The following RNMT variants were observed in gnomAD, a reference collection of about 807,000 sequenced individuals.
RNMT encodes RNA guanine-7 methyltransferase.
A neutral mutation model predicts 56.0 loss-of-function variants in RNMT; 27 were observed. The ratio of observed to expected loss-of-function variants is 0.48; its 90% CI spans 0.36 to 0.67. The LOEUF (loss-of-function observed/expected upper bound fraction) is 0.67, where lower values mean the gene tolerates loss of function less well. Ranked by LOEUF, RNMT falls within the 30% of genes least tolerant of loss-of-function variation. The probability of loss-of-function intolerance (pLI) is 0.00; values close to 1 mark genes in which losing one functional copy is unlikely to be tolerated. For synonymous variants in RNMT, 184 were observed against 176.2 expected (o/e 1.04, Z -0.35); for missense variants, 519 against 552.1 (o/e 0.94, Z 0.60).
In RNMT at chr18:13,762,188, C is replaced by G. The variant is rs763441476; in HGVS notation, c.*2209C>G. ...ATGGAATTGGAAATGAAGACCTAAC[C>G]AGCTATTGGTGGGAATGACGGAACT... On this transcript the variant is annotated 3_prime_UTR_variant, in exon 12 of 12. Coordinates refer to ENST00000383314, the MANE Select transcript of RNMT (RefSeq NM_003799.3). 1 of 1,511,726 alleles carries G rather than the reference C, an allele frequency of 6.6e-7. No homozygotes were observed. Among genetic ancestry groups the G allele is most frequent in the Admixed American group, 2.1e-5 (1 of 48,380 alleles). The allele number at this position is 1,511,726 out of a possible 1,614,324, so 93.6% of individuals were successfully genotyped here. A position where few individuals can be genotyped will look rare whatever the true frequency, so the allele number is the denominator to read the frequency against.
Position 13,761,504 on chromosome 18 carries a change from C to G in RNMT, c.*1525C>G. 2.0e-6 allele frequency: 2 copies of G among 987,444 alleles called. No homozygotes were observed. Among genetic ancestry groups the G allele is most frequent in the Non-Finnish European group, 2.4e-6 (2 of 831,192 alleles). 61.2% of individuals were successfully genotyped at this position (987,444 alleles called of 1,614,324 possible). ...ATTTCCTCTGTTCACATTTACTGGT[C>G]TTAATTAACAGGTAATAATAATACA... On this transcript the variant is annotated 3_prime_UTR_variant, in exon 12 of 12. Coordinates refer to ENST00000383314, the MANE Select transcript of RNMT (RefSeq NM_003799.3).
intron 9 of RNMT, among the ~76,000 whole-genome samples, chr18:13,749,342 CT>C: frequency 6.6e-6 from 1 of 152,306 alleles, no homozygotes; most frequent in South Asian, 2.1e-4. Context: ...GTAATCTGTT[CT>C]TTCTTAGAGC....
chr18:13,736,309 T>C (rs1602003868), intron 4 of RNMT, among the ~76,000 whole-genome samples: 1 of 152,170 alleles, frequency 6.6e-6, no homozygotes, highest in Non-Finnish European at 1.5e-5. Flanking sequence ...TTCAGTATTG[T>C]ATCAAGTTTT....
chr18:13,744,797 CCTTCCTTCCACT>C (rs2044325717), intron 8 of RNMT, among the ~76,000 whole-genome samples: 1 of 152,158 alleles, frequency 6.6e-6, no homozygotes, highest in South Asian at 2.1e-4. Flanking sequence ...GGGTTTCTCC[CCTTCCTTCCACT>C]CTTCCTTTAA....
chr18:13,748,053 T>A (rs956227509), intron 9 of RNMT, among the ~76,000 whole-genome samples: 8 of 152,224 alleles, frequency 5.3e-5, no homozygotes, highest in Admixed American at 3.9e-4. Flanking sequence ...TTTTATGGCA[T>A]GTTATTTCAG....
Position 13,760,894 on chromosome 18 carries a change from T to A in RNMT, c.*915T>A. On this transcript the variant is annotated 3_prime_UTR_variant, in exon 12 of 12. Transcript: ENST00000383314. ...GTTACAACCTCAGCACTTTGCACCGTAGGAGCCATTGTTAAAGTTGTCACT... is the reference window on the plus strand; with the variant it reads ...GTTACAACCTCAGCACTTTGCACCGAAGGAGCCATTGTTAAAGTTGTCACT... 1 of 985,408 alleles carries A rather than the reference T, an allele frequency of 1.0e-6. No homozygotes were observed. The allele number at this position is 985,408 out of a possible 1,614,324, so 61.0% of individuals were successfully genotyped here.
chr18:13,740,000 T>C (rs950059737), intron 5 of RNMT, among the ~76,000 whole-genome samples, 167 bp from the exon 6 acceptor site: 2 of 152,200 alleles, frequency 1.3e-5, no homozygotes, highest in Non-Finnish European at 2.9e-5. Flanking sequence ...TGAAAACTGA[T>C]AGGGTATTTG....
rs777040238 is a variant in RNMT, at chr18:13,731,592, A to G, written c.75A>G (p.Glu25=). ...LEQAKASVNS[E]TESSFNINEN... Reference sequence around the variant, plus strand: ...AGGCAAAAGCGTCAGTGAATTCTGAAACAGAGTCTTCATTCAATATTAATG... The same window carrying G: ...AGGCAAAAGCGTCAGTGAATTCTGAGACAGAGTCTTCATTCAATATTAATG... The change falls in exon 3 of 12, where the codon GAA becomes GAG. Residue 25 remains glutamate, a synonymous_variant. Coordinates refer to ENST00000383314, the MANE Select transcript of RNMT (RefSeq NM_003799.3). The G allele has an allele frequency of 7.4e-6, 12 of 1,613,584 alleles. No homozygotes were observed. Among genetic ancestry groups the G allele is most frequent in the Non-Finnish European group, 1.0e-5 (12 of 1,179,900 alleles).
chr18:13,741,156 C>T (rs2044244954), intron 6 of RNMT, among the ~76,000 whole-genome samples: 1 of 151,444 alleles, frequency 6.6e-6, no homozygotes, highest in Non-Finnish European at 1.5e-5. Context: ...AACATTTTTG[C>T]ATTTTTTAAA....
intron 11 of RNMT, among the ~76,000 whole-genome samples, chr18:13,759,291 A>G (rs2044591386): frequency 6.6e-6 from 1 of 152,224 alleles, no homozygotes; most frequent in Admixed American, 6.5e-5. Flanking sequence ...TATGCCTTTA[A>G]TAGGTTTCAA....
intron 11 of RNMT, among the ~76,000 whole-genome samples, 183 bp downstream of exon 11, chr18:13,754,330 T>C (rs2044507404): frequency 6.6e-6 from 1 of 151,866 alleles, no homozygotes; most frequent in Non-Finnish European, 1.5e-5. Flanking sequence ...ACATGGCAAA[T>C]GCTTGTCTCT....
intron 5 of RNMT, among the ~76,000 whole-genome samples, chr18:13,738,430 TAAA>T (rs1031926045): frequency 2.6e-5 from 4 of 152,210 alleles, no homozygotes; most frequent in South Asian, 2.1e-4. Flanking sequence ...AGTTGTAAAA[TAAA>T]GAAGTATTTT....
chr18:13,761,747 C>G lies in RNMT; in HGVS notation c.*1768C>G. 2.6e-6 allele frequency: 3 copies of G among 1,171,688 alleles called. No individual in the cohort carries two copies. In the South Asian group the frequency reaches 6.1e-5, roughly 24 times the overall value. The allele number at this position is 1,171,688 out of a possible 1,614,324, so 72.6% of individuals were successfully genotyped here. On this transcript the variant is annotated 3_prime_UTR_variant, in exon 12 of 12. Transcript: ENST00000383314. ...CTGTTGTTGGTGTCAGGGAGGCTTA[C>G]TGGAGCCACACCTGCAGGCGCTGTG...
chr18:13,760,903 T>C lies in RNMT; in HGVS notation c.*924T>C. ...TCAGCACTTTGCACCGTAGGAGCCA[T>C]TGTTAAAGTTGTCACTTGTGTAACT... On this transcript the variant is annotated 3_prime_UTR_variant, in exon 12 of 12. Transcript: ENST00000383314. 2 of 985,462 alleles carry C rather than the reference T, an allele frequency of 2.0e-6. No homozygotes were observed. The highest frequency in any genetic ancestry group is 2.4e-6 in the Non-Finnish European group (2 of 829,932). The allele number at this position is 985,462 out of a possible 1,614,324, so 61.0% of individuals were successfully genotyped here.
intron 9 of RNMT, among the ~76,000 whole-genome samples, chr18:13,747,556 A>G (rs971909527): frequency 7.2e-5 from 11 of 152,192 alleles, no homozygotes; most frequent in African/African-American, 2.7e-4. Flanking sequence ...CCTGAGGCTC[A>G]GAGGATAATG....
chr18:13,743,505 C>G (rs1568506004), intron 8 of RNMT, among the ~76,000 whole-genome samples: 1 of 151,964 alleles, frequency 6.6e-6, no homozygotes, highest in Non-Finnish European at 1.5e-5. Context: ...TCCCATGTGC[C>G]TGAATTCCTA....
chr18:13,731,332 C>T (rs1321680594), intron 2 of RNMT, 144 bp from the exon 3 acceptor site: 3 of 416,738 alleles, frequency 7.2e-6, no homozygotes, highest in Admixed American at 8.0e-5. Flanking sequence ...CACTTGAACC[C>T]CAGAGGCGGA....
At chr18:13,737,293 A>C (rs1223704268) in intron 5 of RNMT, among the ~76,000 whole-genome samples, 158 bp downstream of exon 5, 2 of 152,122 alleles carry the variant, frequency 1.3e-5, no homozygotes, top group African/African-American at 4.8e-5. Flanking sequence ...CTGTAATCCA[A>C]CATTTTGGAA....
In RNMT at chr18:13,761,808, C is replaced by G; in HGVS notation, c.*1829C>G. ...ACCTTCCTCCTTGAGCTTTGCCTGT[C>G]TCTTGCCTTATCAGTTCTTCCTCCA... On this transcript the variant is annotated 3_prime_UTR_variant, in exon 12 of 12. Coordinates refer to ENST00000383314, the MANE Select transcript of RNMT (RefSeq NM_003799.3). 1 of 1,318,662 alleles carries G rather than the reference C, an allele frequency of 7.6e-7. No individual in the cohort carries two copies. The highest frequency in any genetic ancestry group is 9.7e-7 in the Non-Finnish European group (1 of 1,030,974). 81.7% of individuals were successfully genotyped at this position (1,318,662 alleles called of 1,614,324 possible).
Sources: allele counts gnomAD v4.1 joint callset (sites outside exome capture counted in the v4.1 genomes callset), GRCh38; gene constraint gnomAD v4.1.1; transcripts MANE v1.5; gene names NCBI Gene and HGNC (gene_info 2026-07-23, HGNC 2026-07-21).